Variants in LMBR1 observed in about 807,000 individuals in gnomAD.
The protein encoded by LMBR1 is limb region 1 protein homolog.
In LMBR1, 52 loss-of-function variants were observed where a neutral mutation model predicts 73.9. That is an observed-to-expected ratio of 0.70 (90% CI 0.56 to 0.89). The LOEUF (loss-of-function observed/expected upper bound fraction) is 0.89. Among genes scored for constraint, LMBR1 ranks in the 40% least tolerant of loss-of-function variants. The pLI is 0.00. For synonymous variants in LMBR1, 215 were observed against 209.4 expected (o/e 1.03, Z -0.23); for missense variants, 539 against 579.8 (o/e 0.93, Z 0.72).
At chr7:156,876,726 G>C (rs1800233850) in intron 1 of LMBR1, among the ~76,000 whole-genome samples, 1 of 152,124 alleles carries the variant, frequency 6.6e-6, no homozygotes, top group African/African-American at 2.4e-5. Flanking sequence ...TGATCATTGG[G>C]TCAACAATGA....
intron 3 of LMBR1, among the ~76,000 whole-genome samples, chr7:156,830,868 A>G (rs1836557834): frequency 6.6e-6 from 1 of 152,214 alleles, no homozygotes; most frequent in African/African-American, 2.4e-5. Flanking sequence ...CCGTGCCAGG[A>G]CTGTGCTAGG....
intron 1 of LMBR1, among the ~76,000 whole-genome samples, chr7:156,850,107 G>A (rs1190208021): frequency 3.3e-5 from 5 of 152,186 alleles, no homozygotes; most frequent in African/African-American, 7.2e-5. Flanking sequence ...GTGTTGAGGT[G>A]GGGCTTCAAA....
intron 1 of LMBR1, among the ~76,000 whole-genome samples, chr7:156,837,966 T>C (rs927451125): frequency 2.0e-5 from 3 of 152,134 alleles, no homozygotes; most frequent in Non-Finnish European, 2.9e-5. Context: ...CTTGTATTTT[T>C]TGGCAAAGAT....
intron 1 of LMBR1, among the ~76,000 whole-genome samples, chr7:156,875,180 C>T (rs903628581): frequency 2.6e-5 from 4 of 152,178 alleles, no homozygotes; most frequent in Non-Finnish European, 5.9e-5. Context: ...GCAATAGACT[C>T]AAATAAGCAG....
intron 5 of LMBR1, among the ~76,000 whole-genome samples, chr7:156,765,490 A>G (rs938580973): frequency 3.3e-5 from 5 of 152,164 alleles, no homozygotes; most frequent in African/African-American, 1.2e-4. Flanking sequence ...TTTATAAATT[A>G]CCCAGTCTCA....
chr7:156,773,221 T>G (rs1352683658), intron 5 of LMBR1, among the ~76,000 whole-genome samples: 1 of 152,134 alleles, frequency 6.6e-6, no homozygotes, highest in Admixed American at 6.6e-5. Context: ...TGCAAAAACA[T>G]TCCATGTTCA....
At chr7:156,883,648 T>C (rs1255158315) in intron 1 of LMBR1, among the ~76,000 whole-genome samples, 1 of 152,140 alleles carries the variant, frequency 6.6e-6, no homozygotes, top group Non-Finnish European at 1.5e-5. Context: ...AATCAAGGCG[T>C]GAGCAAGGTT....
chr7:156,821,507 G>A (rs1328546337), intron 4 of LMBR1, among the ~76,000 whole-genome samples: 1 of 152,226 alleles, frequency 6.6e-6, no homozygotes, highest in Non-Finnish European at 1.5e-5. Context: ...TGCTTGGAAA[G>A]AGAAATAGCC....
At chr7:156,721,435 AT>A (rs1336021985) in intron 15 of LMBR1, among the ~76,000 whole-genome samples, 3 of 152,080 alleles carry the variant, frequency 2.0e-5, no homozygotes, top group Admixed American at 2.0e-4. Context: ...ATTGCATAGA[AT>A]TTTGGACATC....
At chr7:156,866,281 A>G (rs891426486) in intron 1 of LMBR1, among the ~76,000 whole-genome samples, 5 of 152,092 alleles carry the variant, frequency 3.3e-5, no homozygotes, top group Admixed American at 6.5e-5. Flanking sequence ...GCAATCCAGG[A>G]TATGTTTGCT....
intron 9 of LMBR1, 54 bp downstream of exon 9, chr7:156,756,339 T>G: frequency 9.1e-6 from 8 of 879,054 alleles, no homozygotes; most frequent in Non-Finnish European, 1.3e-5. Context: ...TATCTATCTT[T>G]TTGAAATTAA....
At position 156,763,771 on chromosome 7, in the gene LMBR1, T is replaced by C. The variant is rs1449557838; in HGVS notation, c.448A>G (p.Thr150Ala). The C allele has an allele frequency of 5.0e-6, 8 of 1,599,836 alleles. No homozygotes were observed. Among genetic ancestry groups the C allele is most frequent in the Non-Finnish European group, 6.8e-6 (8 of 1,176,244 alleles). ...GCAAGAAGAAGAAGCATGACCAAAGTCTCTAAAATGCGGGCTCGGATTCCC... is the reference window on the plus strand; with the variant it reads ...GCAAGAAGAAGAAGCATGACCAAAGCCTCTAAAATGCGGGCTCGGATTCCC... ...KKGIRARILE[T>A]LVMLLLLALL... The change falls in exon 6 of 17, where the codon ACT becomes GCT. Residue 150 changes from threonine to alanine, a missense_variant. Coordinates refer to ENST00000353442, the MANE Select transcript of LMBR1 (RefSeq NM_022458.4).
At chr7:156,859,939 T>A (rs531473008) in intron 1 of LMBR1, among the ~76,000 whole-genome samples, 1 of 152,100 alleles carries the variant, frequency 6.6e-6, no homozygotes, top group Non-Finnish European at 1.5e-5. Flanking sequence ...GGTGAAAGAA[T>A]AGAAAAAGAT....
At chr7:156,782,257 G>A (rs867612937) in intron 5 of LMBR1, among the ~76,000 whole-genome samples, 1 of 152,172 alleles carries the variant, frequency 6.6e-6, no homozygotes. Flanking sequence ...TAGGTATTGT[G>A]AATAATGCTG....
In LMBR1 at chr7:156,681,237, C is replaced by T; in HGVS notation, c.*2841G>A. 1 of 439,362 alleles carries T rather than the reference C, an allele frequency of 2.3e-6. No homozygotes were observed. The highest frequency in any genetic ancestry group is 2.8e-5 in the Admixed American group (1 of 36,202). The allele number at this position is 439,362 out of a possible 1,614,324, so 27.2% of individuals were successfully genotyped here. Reference sequence around the variant, plus strand: ...TGCAGGGAGGGCCATGGGCACCCAGCAGATGGGGAGGCCGCACTGCCGCTG... The same window carrying T: ...TGCAGGGAGGGCCATGGGCACCCAGTAGATGGGGAGGCCGCACTGCCGCTG... On this transcript the variant is annotated 3_prime_UTR_variant, in exon 17 of 17. Transcript: ENST00000353442.
rs1343950098 is a variant in LMBR1, at chr7:156,680,403, A to AGAGAGAGAGAGAGTGT, written c.*3674_*3675insACACTCTCTCTCTCTC. ...GAGAGAGAGAGAGAGAGAGAGAGAG[A>AGAGAGAGAGAGAGTGT]GTGTGTGTGTGTGTGTGTGTGTAAT... On this transcript the variant is annotated 3_prime_UTR_variant, in exon 17 of 17. Transcript: ENST00000353442. 3.2e-5 allele frequency: 4 copies of AGAGAGAGAGAGAGTGT among 125,066 alleles called. No individual in the cohort carries two copies. The highest frequency in any genetic ancestry group is 1.2e-4 in the African/African-American group (4 of 32,558). The allele number at this position is 125,066 out of a possible 1,614,324, so 7.7% of individuals were successfully genotyped here.
intron 4 of LMBR1, among the ~76,000 whole-genome samples, chr7:156,671,323 G>A (rs367615239): frequency 7.9e-5 from 12 of 152,088 alleles, no homozygotes; most frequent in East Asian, 5.8e-4. Flanking sequence ...CTGAAAACGC[G>A]AACAGTGTGT....
In LMBR1 at chr7:156,725,529, T is replaced by C. The variant is rs1403250223; in HGVS notation, c.1068-4A>G. 3 of 1,575,738 alleles carry C rather than the reference T, an allele frequency of 1.9e-6. No homozygotes were observed. The highest frequency in any genetic ancestry group is 2.6e-6 in the Non-Finnish European group (3 of 1,159,760). The stretch of plus-strand genomic sequence containing the variant: ...AACAGAGGACACCATAAGATAGCTG[T>C]GAGAATCAAGGAAAAAAACTCTCCA... On this transcript the variant is annotated splice_region_variant and splice_polypyrimidine_tract_variant and intron_variant, in intron 13 of 16. Transcript: ENST00000353442.
At chr7:156,727,524 T>C (rs1194856217) in intron 12 of LMBR1, among the ~76,000 whole-genome samples, 3 of 152,098 alleles carry the variant, frequency 2.0e-5, no homozygotes, top group East Asian at 1.9e-4. Flanking sequence ...TGGAGCATGA[T>C]GGTGGGCTTG....
Sources: allele counts gnomAD v4.1 joint callset (sites outside exome capture counted in the v4.1 genomes callset), GRCh38; gene constraint gnomAD v4.1.1; transcripts MANE v1.5; gene names NCBI Gene and HGNC (gene_info 2026-07-23, HGNC 2026-07-21).